Variants in NRG2 observed in about 807,000 individuals in gnomAD.
The protein encoded by NRG2 is neuregulin 2.
A neutral mutation model predicts 73.9 loss-of-function variants in NRG2; 27 were observed. That is an observed-to-expected ratio of 0.37 (90% confidence interval 0.27 to 0.50). The LOEUF is 0.50. NRG2 is among the 20% of genes least tolerant of loss of function. NRG2 has a pLI of 0.96. For synonymous variants in NRG2, 532 were observed against 541.0 expected, an observed-to-expected ratio of 0.98 and a Z score of 0.23; for missense variants, 1,126 against 1,210.1, an observed-to-expected ratio of 0.93 and a Z score of 1.03.
intron 2 of NRG2, among the ~76,000 whole-genome samples, chr5:139,882,260 G>A (rs1763571187): frequency 6.6e-6 from 1 of 152,112 alleles, no homozygotes; most frequent in African/African-American, 2.4e-5. Context: ...CTGGGCCAGG[G>A]TCAAGGAGAC....
At position 139,848,192 on chromosome 5, in the gene NRG2, T is replaced by A; in HGVS notation, c.2278A>T (p.Arg760Trp). The A allele has an allele frequency of 7.4e-7, 1 of 1,347,686 alleles. No individual in the cohort carries two copies. Among genetic ancestry groups the A allele is most frequent in the Middle Eastern group, 2.7e-4 (1 of 3,642 alleles). The allele number at this position is 1,347,686 out of a possible 1,614,324, so 83.5% of individuals were successfully genotyped here. The change falls in exon 10 of 10, where the codon AGG becomes TGG. Residue 760 changes from arginine (R) to tryptophan (W), a missense_variant. By Grantham distance (101) the Arg-to-Trp change is moderately radical (BLOSUM62 -3). Transcript: ENST00000361474. The stretch of plus-strand genomic sequence containing the variant: ...CCGCTGCTCAGCGACAGCGAGTCCC[T>A]CGCCGCCCGTGCGCGCTGCGCCGCC... Reference protein sequence around the residue: ...GLAAQRARAARDSLSLSSGSG... With the variant: ...GLAAQRARAAWDSLSLSSGSG...
intron 1 of NRG2, among the ~76,000 whole-genome samples, chr5:139,913,076 T>A (rs1750966349): frequency 6.6e-6 from 1 of 152,192 alleles, no homozygotes; most frequent in Non-Finnish European, 1.5e-5. Context: ...TGTGGATGTA[T>A]GTGGGGCTGC....
At chr5:139,971,449 A>G (rs1285439613) in intron 1 of NRG2, among the ~76,000 whole-genome samples, 1 of 152,172 alleles carries the variant, frequency 6.6e-6, no homozygotes, top group Non-Finnish European at 1.5e-5. Context: ...CTCCTTTCAC[A>G]ATGGCAAGGA....
At chr5:140,014,418 G>A (rs1759612732) in intron 1 of NRG2, among the ~76,000 whole-genome samples, 1 of 151,922 alleles carries the variant, frequency 6.6e-6, no homozygotes, top group South Asian at 2.1e-4. Flanking sequence ...TGTATGTTTT[G>A]TAGAGATGGG....
chr5:139,867,094 T>A (rs1304628306), intron 4 of NRG2, among the ~76,000 whole-genome samples: 2 of 152,240 alleles, frequency 1.3e-5, no homozygotes, highest in African/African-American at 4.8e-5. Flanking sequence ...TGTACTCTAT[T>A]TCTTAGCATT....
At position 140,008,760 on chromosome 5, in the gene NRG2, A is replaced by G. The variant is rs1376126008; in HGVS notation, c.700+33610T>C. Among the ~76,000 whole-genome samples, 1 of 152,188 alleles carries G rather than the reference A, an allele frequency of 6.6e-6. No homozygotes were observed. Among genetic ancestry groups the G allele is most frequent in the Non-Finnish European group, 1.5e-5 (1 of 68,020 alleles). On this transcript the variant is annotated intron_variant, in intron 1 of 9. Coordinates refer to ENST00000361474, the MANE Select transcript of NRG2 (RefSeq NM_004883.3). This position sits in a 1 kb window ranked among gnomAD's most constrained non-coding sequence, Gnocchi z 4.2. ...GACCAGAGACTCAACTGGTGAGTTC[A>G]AAAAAATAAATGCATGAAACAAGGA...
At chr5:139,923,186 T>C (rs1751806307) in intron 1 of NRG2, among the ~76,000 whole-genome samples, 1 of 152,170 alleles carries the variant, frequency 6.6e-6, no homozygotes, top group African/African-American at 2.4e-5. Flanking sequence ...TGGGTTTGAT[T>C]GTGCGTGTGT....
At chr5:140,024,065 C>T (rs1323617391) in intron 1 of NRG2, among the ~76,000 whole-genome samples, 5 of 152,096 alleles carry the variant, frequency 3.3e-5, no homozygotes, top group Non-Finnish European at 7.4e-5. Context: ...ACTGAATGTA[C>T]CCCTTCTCTG....
At chr5:139,990,449 G>A (rs1254131165) in intron 1 of NRG2, among the ~76,000 whole-genome samples, 1 of 152,022 alleles carries the variant, frequency 6.6e-6, no homozygotes, top group African/African-American at 2.4e-5. Context: ...GGGACTATAG[G>A]TGCACACCAC....
intron 1 of NRG2, among the ~76,000 whole-genome samples, chr5:139,963,804 C>T (rs965919): frequency 0.14 from 20,565 of 152,092 alleles, 1,482 homozygotes; most frequent in South Asian, 0.25. Flanking sequence ...CCTCACTGCT[C>T]CCTGTCTAAC....
chr5:139,860,028 G>T, intron 5 of NRG2: 1 of 1,044,862 alleles, frequency 9.6e-7, no homozygotes, highest in Non-Finnish European at 1.5e-6. Flanking sequence ...CTCAGACACC[G>T]GGCAGCCATC....
At chr5:139,908,016 A>G (rs1053224148) in intron 1 of NRG2, among the ~76,000 whole-genome samples, 1 of 152,190 alleles carries the variant, frequency 6.6e-6, no homozygotes, top group African/African-American at 2.4e-5. Flanking sequence ...TCTTATTCCC[A>G]TTTTACAGAT....
In NRG2 at chr5:139,885,921, C is replaced by T. The variant is rs562910625; in HGVS notation, c.872+1419G>A. Among the ~76,000 whole-genome samples, 3 of 152,134 alleles carry T rather than the reference C, an allele frequency of 2.0e-5. No individual in the cohort carries two copies. In the East Asian group the frequency reaches 5.8e-4, roughly 30 times the overall value. On this transcript the variant is annotated intron_variant, in intron 2 of 9. Coordinates refer to ENST00000361474, the MANE Select transcript of NRG2 (RefSeq NM_004883.3). ...ATAGGAGGGAGACGGGACCCAACTG[C>T]CCCAGCTCCAAGAAGCCTGCCCATT...
At chr5:139,889,712 T>G (rs1764087277) in intron 1 of NRG2, among the ~76,000 whole-genome samples, 1 of 152,184 alleles carries the variant, frequency 6.6e-6, no homozygotes, top group Non-Finnish European at 1.5e-5. Flanking sequence ...ACACACCCCA[T>G]GTATACTGCT....
chr5:139,900,818 T>G (rs550858847), intron 1 of NRG2, among the ~76,000 whole-genome samples: 1 of 152,306 alleles, frequency 6.6e-6, no homozygotes, highest in East Asian at 1.9e-4. Flanking sequence ...GTCAGAGCTT[T>G]CCTGACTTGG....
At chr5:139,945,596 T>C (rs1157979987) in intron 1 of NRG2, among the ~76,000 whole-genome samples, 1 of 152,120 alleles carries the variant, frequency 6.6e-6, no homozygotes, top group Admixed American at 6.5e-5. Context: ...CTTTGACTAT[T>C]TGGGGTCTTT....
chr5:139,930,338 G>A (rs1752382597), intron 1 of NRG2, among the ~76,000 whole-genome samples: 1 of 152,210 alleles, frequency 6.6e-6, no homozygotes, highest in African/African-American at 2.4e-5. Flanking sequence ...GCAAGGAGAT[G>A]ATCATGTCTA....
chr5:139,992,072 G>C (rs1035588181), intron 1 of NRG2, among the ~76,000 whole-genome samples: 28 of 152,274 alleles, frequency 1.8e-4, no homozygotes, highest in Non-Finnish European at 4.0e-4. Flanking sequence ...AAATAGGGTA[G>C]AATTGGAGAA....
chr5:140,013,705 A>C (rs142565228), intron 1 of NRG2, among the ~76,000 whole-genome samples: 2 of 152,208 alleles, frequency 1.3e-5, no homozygotes, highest in East Asian at 3.9e-4. Context: ...TTTAACCCCC[A>C]CTACTGCACT....
Sources: gnomAD v4.1 joint callset for allele counts (sites outside exome capture counted in the v4.1 genomes callset) on GRCh38, gnomAD v4.1.1 for gene constraint, Gnocchi (gnomAD v3.1) non-coding constraint, MANE v1.5 for transcripts, NCBI Gene and HGNC (gene_info 2026-07-23, HGNC 2026-07-21) for gene names.